Variants in MCF2L observed in about 807,000 individuals in gnomAD.
MCF2L encodes MCF.2 cell line derived transforming sequence like.
A neutral mutation model predicts 153.4 loss-of-function variants in MCF2L; 97 were observed. The ratio of observed to expected loss-of-function variants is 0.63; its 90% CI spans 0.54 to 0.75. The LOEUF is 0.75. Among genes scored for constraint, MCF2L ranks in the 30% least tolerant of loss-of-function variants. The pLI is 0.00. For synonymous variants in MCF2L, 659 were observed against 632.2 expected (o/e 1.04, Z -0.64); for missense variants, 1,347 against 1,495.2 (o/e 0.90, Z 1.64).
At chr13:113,020,410 CGTGT>C (rs1040718951) in intron 2 of MCF2L, among the ~76,000 whole-genome samples, 13 of 152,234 alleles carry the variant, frequency 8.5e-5, no homozygotes, top group African/African-American at 3.1e-4. Flanking sequence ...GACGCGTGTG[CGTGT>C]GTGTATCTAC....
Position 113,088,373 on chromosome 13 carries a change from A to G in MCF2L, c.2735A>G (p.Lys912Arg). 1.9e-6 allele frequency: 3 copies of G among 1,614,032 alleles called. No homozygotes were observed. The highest frequency in any genetic ancestry group is 1.7e-6 in the Non-Finnish European group (2 of 1,180,028). ...GCCGCGTGGGTGAATGAAATTCGGA[A>G]AGTGCTGACCAGCCAGCTGCAGGCT... ...IKAAWVNEIR[K>R]VLTSQLQACR... The change falls in exon 24 of 30, where the codon AAA becomes AGA. Residue 912 changes from lysine (K) to arginine (R), a missense_variant. Coordinates refer to ENST00000535094, the MANE Select transcript of MCF2L (RefSeq NM_001112732.3).
At chr13:113,094,662 T>TG in intron 27 of MCF2L, 27 bp downstream of exon 27, 1 of 1,600,546 alleles carries the variant, frequency 6.2e-7, no homozygotes, top group Non-Finnish European at 8.5e-7. Context: ...TGTGGGCACT[T>TG]GGGGTGGGGG....
chr13:113,064,711 C>T lies in MCF2L; in HGVS notation c.607-225C>T, dbSNP rs1273282684. On this transcript the variant is annotated intron_variant, in intron 6 of 29. Transcript: ENST00000535094. The surrounding 1 kb of genome is among the most constrained non-coding windows in gnomAD (Gnocchi z 6.0). The stretch of plus-strand genomic sequence containing the variant: ...TCTCAACGGGGAGAGGCAGCGCAGG[C>T]ACAGGCGACTCTAGGTGACGGGCAC... 8.3e-6 allele frequency: 5 copies of T among 599,194 alleles called. No homozygotes were observed. The highest frequency in any genetic ancestry group is 1.5e-5 in the Non-Finnish European group (5 of 340,738). The allele number at this position is 599,194 out of a possible 1,614,324, so 37.1% of individuals were successfully genotyped here.
chr13:112,902,671 A>G (rs558673066), intron 2 of MCF2L, among the ~76,000 whole-genome samples: 4 of 152,364 alleles, frequency 2.6e-5, no homozygotes, highest in South Asian at 2.1e-4. Flanking sequence ...ATCATGAGAA[A>G]TGTTTCTTTG....
intron 4 of MCF2L, among the ~76,000 whole-genome samples, chr13:113,059,224 G>A (rs1162664289): frequency 1.3e-5 from 2 of 152,222 alleles, no homozygotes; most frequent in African/African-American, 4.8e-5. Context: ...TGTCCCTGCA[G>A]CCAGCGTGGC....
intron 2 of MCF2L, among the ~76,000 whole-genome samples, chr13:112,933,808 G>T (rs1160451288): frequency 1.3e-5 from 2 of 152,208 alleles, no homozygotes; most frequent in South Asian, 2.1e-4. Flanking sequence ...GTCCCTGACG[G>T]CTCTGCCCTG....
intron 2 of MCF2L, among the ~76,000 whole-genome samples, chr13:113,023,263 G>A (rs758493808): frequency 6.6e-6 from 1 of 152,190 alleles, no homozygotes; most frequent in African/African-American, 2.4e-5. Flanking sequence ...CGTCCTGGCC[G>A]AAGTGAGAAC....
At chr13:113,091,499 T>G (rs2035207242) in intron 26 of MCF2L, among the ~76,000 whole-genome samples, 1 of 152,148 alleles carries the variant, frequency 6.6e-6, no homozygotes, top group Non-Finnish European at 1.5e-5. Flanking sequence ...TGGAGCTGGG[T>G]GGGGTCTCAC....
At chr13:112,963,109 C>G (rs2081852431) in intron 2 of MCF2L, among the ~76,000 whole-genome samples, 1 of 152,170 alleles carries the variant, frequency 6.6e-6, no homozygotes, top group Admixed American at 6.5e-5. Flanking sequence ...GCAGCCTTCT[C>G]TCATGCCTGG....
intron 1 of MCF2L, among the ~76,000 whole-genome samples, chr13:112,987,095 C>T (rs1290325594): frequency 6.6e-6 from 1 of 152,060 alleles, no homozygotes; most frequent in African/African-American, 2.4e-5. Flanking sequence ...ACAGATGGCA[C>T]CCGGTGAACT....
At chr13:113,081,087 G>A (rs2034090658) in intron 15 of MCF2L, 126 bp from the exon 16 acceptor site, 1 of 772,386 alleles carries the variant, frequency 1.3e-6, no homozygotes, top group South Asian at 2.0e-5. Context: ...GTGGGCTTTG[G>A]GTCGCCGCCA....
rs190045585 is a variant in MCF2L at position 113,079,061 on chromosome 13, G to T, written c.1808+322G>T. Among the ~76,000 whole-genome samples the T allele has an allele frequency of 2.8e-3, 416 of 150,210 alleles. 1 individual carries two copies. Among genetic ancestry groups the T allele is most frequent in the Admixed American group, 5.4e-3 (81 of 15,086 alleles). ...CTCCACCCGCCACTGCCATTCACAGGAGACACCACTCAAAGGCCCCAACCA... is the reference window on the plus strand; with the variant it reads ...CTCCACCCGCCACTGCCATTCACAGTAGACACCACTCAAAGGCCCCAACCA... On this transcript the variant is annotated intron_variant, in intron 15 of 29. Coordinates refer to ENST00000535094, the MANE Select transcript of MCF2L (RefSeq NM_001112732.3).
At chr13:113,011,544 G>A (rs1324643663) in intron 1 of MCF2L, among the ~76,000 whole-genome samples, 7 of 149,526 alleles carry the variant, frequency 4.7e-5, no homozygotes, top group Admixed American at 2.0e-4. Context: ...TGGACACTGC[G>A]ATGAGGACGG....
chr13:113,022,934 A>G (rs940409778), intron 2 of MCF2L, among the ~76,000 whole-genome samples: 16 of 152,352 alleles, frequency 1.1e-4, no homozygotes, highest in Non-Finnish European at 1.9e-4. Context: ...GGCACGTTCT[A>G]TTGAGCACTG....
At chr13:112,950,812 C>G (rs1240758564) in intron 2 of MCF2L, among the ~76,000 whole-genome samples, 1 of 152,042 alleles carries the variant, frequency 6.6e-6, no homozygotes, top group Non-Finnish European at 1.5e-5. Context: ...CACTTAGGAC[C>G]TAAAGCTGAA....
intron 2 of MCF2L, among the ~76,000 whole-genome samples, chr13:112,931,156 C>G (rs2081459083): frequency 6.6e-6 from 1 of 152,172 alleles, no homozygotes; most frequent in Admixed American, 6.5e-5. Context: ...CTCTGTGTTT[C>G]CACATCCCTT....
At chr13:112,899,694 C>A (rs1566625533) in intron 1 of MCF2L, among the ~76,000 whole-genome samples, 1 of 152,234 alleles carries the variant, frequency 6.6e-6, no homozygotes, top group South Asian at 2.1e-4. Context: ...ACACAACACC[C>A]AGGGGTCCTC....
chr13:112,978,175 G>T (rs2140882957), intron 1 of MCF2L, among the ~76,000 whole-genome samples: 1 of 152,340 alleles, frequency 6.6e-6, no homozygotes, highest in Admixed American at 6.5e-5. Context: ...GGTTAGGGCT[G>T]ACCTGTCCTG....
chr13:113,040,437 T>TGTGTGTGTGTGTGTGTGTG (rs10528245), intron 3 of MCF2L: 10 of 142,922 alleles, frequency 7.0e-5, no homozygotes, highest in Non-Finnish European at 1.2e-4. Context: ...TGTGTGTGTG[T>TGTGTGTGTGTGTGTGTGTG]TTCTTTTCCT....
Sources: gnomAD v4.1 joint callset for allele counts (sites outside exome capture counted in the v4.1 genomes callset) on GRCh38, gnomAD v4.1.1 for gene constraint, Gnocchi (gnomAD v3.1) non-coding constraint, MANE v1.5 for transcripts, NCBI Gene and HGNC (gene_info 2026-07-23, HGNC 2026-07-21) for gene names.